Variants in NPW observed in about 807,000 individuals in gnomAD.
NPW encodes the protein prepro-neuropeptide W.
Under a neutral mutation model 9.9 loss-of-function variants are expected in NPW, and 8 were observed. That is an observed-to-expected ratio of 0.81 (90% confidence interval 0.47 to 1.46). The LOEUF (loss-of-function observed/expected upper bound fraction) is 1.46, where lower values mean the gene tolerates loss of function less well. Ranked by LOEUF, NPW falls within the 40% of genes most tolerant of loss-of-function variation. NPW has a pLI of 0.00. For synonymous variants in NPW, 134 were observed against 119.9 expected, an observed-to-expected ratio of 1.12 and a Z score of -0.77; for missense variants, 287 against 240.3, an observed-to-expected ratio of 1.19 and a Z score of -1.28.
At position 2,019,928 on chromosome 16, in the gene NPW, G is replaced by GTA. The variant is rs1483821141; in HGVS notation, c.27_28insTA (p.Ala10Ter). On this transcript the variant is annotated frameshift_variant, in exon 1 of 2. Coordinates refer to ENST00000566435, the MANE Select transcript of NPW (RefSeq NM_001099456.3). LOFTEE classifies it high-confidence loss of function. ...TGGCGTGGCGCCCAGGGGAGCGGGG[G>GTA]GCTCCCGCGAGCCGGCCGCGGCTGG... 1 of 1,322,154 alleles carries GTA rather than the reference G, an allele frequency of 7.6e-7. No homozygotes were observed. Among genetic ancestry groups the GTA allele is most frequent in the Non-Finnish European group, 9.7e-7 (1 of 1,035,966 alleles). 81.9% of individuals were successfully genotyped at this position (1,322,154 alleles called of 1,614,324 possible). A position where few individuals can be genotyped will look rare whatever the true frequency, so the allele number is the denominator to read the frequency against.
rs1353349485 is a variant in NPW, at chr16:2,020,149, C to G, written c.248C>G (p.Ala83Gly). 6.3e-7 allele frequency: 1 copy of G among 1,577,298 alleles called. No homozygotes were observed. Among genetic ancestry groups the G allele is most frequent in the Non-Finnish European group, 8.6e-7 (1 of 1,165,058 alleles). The change falls in exon 1 of 2, where the codon GCA (alanine) becomes GGA (glycine). Residue 83 changes from alanine to glycine, a missense_variant. Transcript: ENST00000566435. ...AGGGACACCCTCTCCCCCGAACCCG[C>G]AGCCCGCGAGGCTCCTCTCCTGCTG...
At chr16:2,020,507 C>CCA (rs774142763) in intron 1 of NPW, 26 bp from the exon 2 acceptor site, 2 of 1,545,566 alleles carry the variant, frequency 1.3e-6, no homozygotes, top group Non-Finnish European at 1.8e-6. Context: ...AGCCTCCTCC[C>CCA]CACGGCCTTG....
rs920677706 is a variant in NPW at position 2,019,923 on chromosome 16, C to T, written c.22C>T (p.Arg8Trp). The T allele has an allele frequency of 3.8e-6, 5 of 1,312,012 alleles. No homozygotes were observed. Among genetic ancestry groups the T allele is most frequent in the East Asian group, 6.3e-5 (2 of 31,800 alleles). 81.3% of individuals were successfully genotyped at this position (1,312,012 alleles called of 1,614,324 possible). The change falls in exon 1 of 2, where the codon CGG becomes TGG. Residue 8 changes from arginine to tryptophan, a missense_variant. Transcript: ENST00000566435. ...CGCCCTGGCGTGGCGCCCAGGGGAG[C>T]GGGGGGCTCCCGCGAGCCGGCCGCG...
At position 2,019,898 on chromosome 16, in the gene NPW, C is replaced by T. The variant is rs2083826093; in HGVS notation, c.-4C>T. The T allele has an allele frequency of 8.1e-7, 1 of 1,228,114 alleles. No homozygotes were observed. The highest frequency in any genetic ancestry group is 4.3e-5 in the Admixed American group (1 of 23,246). The allele number at this position is 1,228,114 out of a possible 1,614,324, so 76.1% of individuals were successfully genotyped here. A position where few individuals can be genotyped will look rare whatever the true frequency, so the allele number is the denominator to read the frequency against. On this transcript the variant is annotated 5_prime_UTR_variant, in exon 1 of 2. Transcript: ENST00000566435. ...CCCGCCGGGCGGCCGTCGACGCGAGCGCCCTGGCGTGGCGCCCAGGGGAGC... is the reference window on the plus strand; with the variant it reads ...CCCGCCGGGCGGCCGTCGACGCGAGTGCCCTGGCGTGGCGCCCAGGGGAGC...
chr16:2,020,277 G>A lies in NPW; in HGVS notation c.376G>A (p.Glu126Lys), dbSNP rs749582884. ...CCCGCGCGCCCCAGAGCCTGCGCTG[G>A]AACCGGAGTCCCTGGACTTCAGCGG... Residue 126 changes from glutamate (E) to lysine (K), a missense_variant, in exon 1 of 2, where the codon GAA becomes AAA. Transcript: ENST00000566435. 3 of 1,531,850 alleles carry A rather than the reference G, an allele frequency of 2.0e-6. No homozygotes were observed. The highest frequency in any genetic ancestry group is 2.6e-6 in the Non-Finnish European group (3 of 1,140,028). The allele number at this position is 1,531,850 out of a possible 1,614,324, so 94.9% of individuals were successfully genotyped here.
chr16:2,020,518 C>T lies in NPW; in HGVS notation c.412-15C>T, dbSNP rs371592410. 1.4e-5 allele frequency: 22 copies of T among 1,586,686 alleles called. No individual in the cohort carries two copies. Among genetic ancestry groups the T allele is most frequent in the Non-Finnish European group, 1.8e-5 (21 of 1,157,670 alleles). On this transcript the variant is annotated splice_polypyrimidine_tract_variant and intron_variant, in intron 1 of 1. Coordinates refer to ENST00000566435, the MANE Select transcript of NPW (RefSeq NM_001099456.3). ...CCACAGCCTCCTCCCCACGGCCTTG[C>T]TGTGTTCTCGTTAGAGACTTCGGAG...
At position 2,020,562 on chromosome 16, in the gene NPW, G is replaced by C. The variant is rs777751447; in HGVS notation, c.441G>C (p.Ala147=). 6.2e-7 allele frequency: 1 copy of C among 1,609,938 alleles called. No individual in the cohort carries two copies. The highest frequency in any genetic ancestry group is 2.2e-5 in the East Asian group (1 of 44,668). Residue 147 remains alanine (A), a synonymous_variant, in exon 2 of 2, where the codon GCG becomes GCC. Coordinates refer to ENST00000566435, the MANE Select transcript of NPW (RefSeq NM_001099456.3). ...TTCGGAGAGACGTCTCCCGCCCAGC[G>C]GTGGACCCCGCAGCAAACCGCCTTG...
At position 2,019,924 on chromosome 16, in the gene NPW, G is replaced by T. The variant is rs1448139742; in HGVS notation, c.23G>T (p.Arg8Leu). Reference sequence around the variant, plus strand: ...GCCCTGGCGTGGCGCCCAGGGGAGCGGGGGGCTCCCGCGAGCCGGCCGCGG... The same window carrying T: ...GCCCTGGCGTGGCGCCCAGGGGAGCTGGGGGCTCCCGCGAGCCGGCCGCGG... Residue 8 changes from arginine to leucine, a missense_variant, in exon 1 of 2, where the codon CGG becomes CTG. Arg to Leu is a moderately radical substitution (Grantham distance 102). Transcript: ENST00000566435. 7.6e-7 allele frequency: 1 copy of T among 1,313,694 alleles called. No homozygotes were observed. The allele number at this position is 1,313,694 out of a possible 1,614,324, so 81.4% of individuals were successfully genotyped here.
chr16:2,020,595 C>T lies in NPW; in HGVS notation c.474C>T (p.Pro158=). ...CCGCAGCAAACCGCCTTGGCCTGCC[C>T]TGCCTGGCCCCCGGACCGTTCTGAC... Residue 158 remains proline (P), a synonymous_variant, in exon 2 of 2, where the codon CCC becomes CCT. Coordinates refer to ENST00000566435, the MANE Select transcript of NPW (RefSeq NM_001099456.3). The T allele has an allele frequency of 6.2e-7, 1 of 1,605,154 alleles. No homozygotes were observed. The highest frequency in any genetic ancestry group is 8.5e-7 in the Non-Finnish European group (1 of 1,174,646).
rs1278810980 is a variant in NPW at position 2,019,842 on chromosome 16, C to T, written c.-60C>T. On this transcript the variant is annotated 5_prime_UTR_variant, in exon 1 of 2. Transcript: ENST00000566435. ...TGGGCGTCCCAACTCCACTGCGCGC[C>T]CAAACCCAGCCGAGCCGGTTCGTGG... 1.1e-5 allele frequency: 13 copies of T among 1,204,576 alleles called. No individual in the cohort carries two copies. The highest frequency in any genetic ancestry group is 4.4e-5 in the Admixed American group (1 of 22,564). 74.6% of individuals were successfully genotyped at this position (1,204,576 alleles called of 1,614,324 possible).
At position 2,020,290 on chromosome 16, in the gene NPW, T is replaced by C. The variant is rs1157315547; in HGVS notation, c.389T>C (p.Leu130Pro). Reference sequence around the variant, plus strand: ...GAGCCTGCGCTGGAACCGGAGTCCCTGGACTTCAGCGGAGCTGGCCAGGTA... The same window carrying C: ...GAGCCTGCGCTGGAACCGGAGTCCCCGGACTTCAGCGGAGCTGGCCAGGTA... Residue 130 changes from leucine to proline, a missense_variant, in exon 1 of 2, where the codon CTG (leucine) becomes CCG (proline). Transcript: ENST00000566435. 3 of 1,521,214 alleles carry C rather than the reference T, an allele frequency of 2.0e-6. No homozygotes were observed. Among genetic ancestry groups the C allele is most frequent in the East Asian group, 2.5e-5 (1 of 40,536 alleles). 94.2% of individuals were successfully genotyped at this position (1,521,214 alleles called of 1,614,324 possible). A position where few individuals can be genotyped will look rare whatever the true frequency, so the allele number is the denominator to read the frequency against.
In NPW at chr16:2,020,247, C is replaced by T; in HGVS notation, c.346C>T (p.Arg116Trp). 6.4e-7 allele frequency: 1 copy of T among 1,558,022 alleles called. No individual in the cohort carries two copies. The highest frequency in any genetic ancestry group is 8.7e-7 in the Non-Finnish European group (1 of 1,155,010). The stretch of plus-strand genomic sequence containing the variant: ...GGCAGGGATCCCCGTCCGTGCGCCC[C>T]GGAGCCCGCGCGCCCCAGAGCCTGC... Residue 116 changes from arginine to tryptophan, a missense_variant, in exon 1 of 2, where the codon CGG (arginine) becomes TGG (tryptophan). Physicochemically the swap from Arg to Trp is moderately radical, Grantham distance 101 (BLOSUM62 -3). Coordinates refer to ENST00000566435, the MANE Select transcript of NPW (RefSeq NM_001099456.3).
chr16:2,020,649 C>T lies in NPW; in HGVS notation c.*30C>T, dbSNP rs775115373. On this transcript the variant is annotated 3_prime_UTR_variant, in exon 2 of 2. Coordinates refer to ENST00000566435, the MANE Select transcript of NPW (RefSeq NM_001099456.3). ...GTCCCCCGCCCGCCCGTGGCGCCTCCGCGCCTGACCCAGGAGGAGTGGCCG... is the reference window on the plus strand; with the variant it reads ...GTCCCCCGCCCGCCCGTGGCGCCTCTGCGCCTGACCCAGGAGGAGTGGCCG... The T allele has an allele frequency of 6.9e-7, 1 of 1,443,488 alleles. No individual in the cohort carries two copies. Among genetic ancestry groups the T allele is most frequent in the African/African-American group, 1.5e-5 (1 of 68,448 alleles). 89.4% of individuals were successfully genotyped at this position (1,443,488 alleles called of 1,614,324 possible).
Position 2,020,141 on chromosome 16 carries a change from C to T in NPW, c.240C>T (p.Pro80=), listed in dbSNP as rs1317644235. The change falls in exon 1 of 2, where the codon CCC becomes CCT. Residue 80 remains proline (P), a synonymous_variant. Coordinates refer to ENST00000566435, the MANE Select transcript of NPW (RefSeq NM_001099456.3). ...CCCTGGCCAGGGACACCCTCTCCCC[C>T]GAACCCGCAGCCCGCGAGGCTCCTC... The T allele has an allele frequency of 1.9e-6, 3 of 1,574,596 alleles. No homozygotes were observed. Among genetic ancestry groups the T allele is most frequent in the East Asian group, 2.3e-5 (1 of 43,244 alleles).
In NPW at chr16:2,020,701, CCCG is replaced by C; in HGVS notation, c.*85_*87del. ...GCGCTTCCAGGAGCCGCTCATAGAC[CCCG>C]CCTGCCGTCCGGTCAATAAAATCCG... On this transcript the variant is annotated 3_prime_UTR_variant, in exon 2 of 2. Coordinates refer to ENST00000566435, the MANE Select transcript of NPW (RefSeq NM_001099456.3). 1 of 788,974 alleles carries C rather than the reference CCCG, an allele frequency of 1.3e-6. No individual in the cohort carries two copies. Among genetic ancestry groups the C allele is most frequent in the East Asian group, 2.9e-5 (1 of 34,516 alleles). The allele number at this position is 788,974 out of a possible 1,614,324, so 48.9% of individuals were successfully genotyped here. A position where few individuals can be genotyped will look rare whatever the true frequency, so the allele number is the denominator to read the frequency against.
chr16:2,020,586 T>C lies in NPW; in HGVS notation c.465T>C (p.Leu155=). ...CGGTGGACCCCGCAGCAAACCGCCT[T>C]GGCCTGCCCTGCCTGGCCCCCGGAC... The change falls in exon 2 of 2, where the codon CTT becomes CTC. Residue 155 remains leucine, a synonymous_variant. Coordinates refer to ENST00000566435, the MANE Select transcript of NPW (RefSeq NM_001099456.3). 1 of 1,608,386 alleles carries C rather than the reference T, an allele frequency of 6.2e-7. No homozygotes were observed. Among genetic ancestry groups the C allele is most frequent in the Non-Finnish European group, 8.5e-7 (1 of 1,177,144 alleles).
chr16:2,019,976 G>C lies in NPW; in HGVS notation c.75G>C (p.Leu25=), dbSNP rs1437110085. Residue 25 remains leucine (L), a synonymous_variant, in exon 1 of 2, where the codon CTG becomes CTC. Transcript: ENST00000566435. ...TGGCACTGCTGCTGCTTCTGCTCCT[G>C]CTGCCGCTGCCCTCCGGCGCGTGGT... The C allele has an allele frequency of 7.0e-7, 1 of 1,432,094 alleles. No homozygotes were observed. 88.7% of individuals were successfully genotyped at this position (1,432,094 alleles called of 1,614,324 possible). A position where few individuals can be genotyped will look rare whatever the true frequency, so the allele number is the denominator to read the frequency against.
rs768909356 is a variant in NPW, at chr16:2,020,203, C to T, written c.302C>T (p.Thr101Met). The T allele has an allele frequency of 1.3e-5, 20 of 1,596,068 alleles. No individual in the cohort carries two copies. The highest frequency in any genetic ancestry group is 1.6e-5 in the Non-Finnish European group (19 of 1,174,706). Reference sequence around the variant, plus strand: ...TCGTGGGTTCAGGAGCTGTGGGAGACGCGACGCAGGAGCTCCCAGGCAGGG... The same window carrying T: ...TCGTGGGTTCAGGAGCTGTGGGAGATGCGACGCAGGAGCTCCCAGGCAGGG... Residue 101 changes from threonine (T) to methionine (M), a missense_variant, in exon 1 of 2, where the codon ACG becomes ATG. Coordinates refer to ENST00000566435, the MANE Select transcript of NPW (RefSeq NM_001099456.3).
In NPW at chr16:2,020,003, C is replaced by G. The variant is rs1267823844; in HGVS notation, c.102C>G (p.Tyr34Ter). The G allele has an allele frequency of 6.7e-7, 1 of 1,492,282 alleles. No individual in the cohort carries two copies. The highest frequency in any genetic ancestry group is 1.3e-5 in the South Asian group (1 of 79,384). The allele number at this position is 1,492,282 out of a possible 1,614,324, so 92.4% of individuals were successfully genotyped here. A position where few individuals can be genotyped will look rare whatever the true frequency, so the allele number is the denominator to read the frequency against. The stretch of plus-strand genomic sequence containing the variant: ...TGCCGCTGCCCTCCGGCGCGTGGTA[C>G]AAGCACGTGGCGAGTCCCCGCTACC... The change falls in exon 1 of 2, where the codon TAC becomes TAG. Residue 34 changes from tyrosine to a stop codon, truncating the protein, a stop_gained. Coordinates refer to ENST00000566435, the MANE Select transcript of NPW (RefSeq NM_001099456.3). LOFTEE classifies it high-confidence loss of function.
Sources: allele counts gnomAD v4.1 joint callset, GRCh38; gene constraint gnomAD v4.1.1; transcripts MANE v1.5; gene names NCBI Gene and HGNC (gene_info 2026-07-23, HGNC 2026-07-21).